VWA8: variants seen among roughly 807,000 people sequenced by gnomAD.
VWA8 encodes the protein von Willebrand factor A domain containing 8.
Under a neutral mutation model 241.5 loss-of-function variants are expected in VWA8, and 221 were observed. The observed-to-expected ratio is 0.91, with a 90% CI of 0.82 to 1.02. VWA8 has a LOEUF of 1.02. VWA8 is among the 50% of genes least tolerant of loss of function. VWA8 has a pLI of 0.00. For synonymous variants in VWA8, 852 were observed against 827.1 expected (o/e 1.03, Z -0.52); for missense variants, 2,322 against 2,328.7 (o/e 1.00, Z 0.06).
At chr13:41,813,042 G>A (rs1474674916) in intron 16 of VWA8, among the ~76,000 whole-genome samples, 2 of 152,142 alleles carry the variant, frequency 1.3e-5, no homozygotes, top group Non-Finnish European at 2.9e-5. Context: ...ATGAGGAAAT[G>A]AGACCAGCTT....
At chr13:41,639,378 A>T (rs2044780243) in intron 37 of VWA8, among the ~76,000 whole-genome samples, 1 of 152,152 alleles carries the variant, frequency 6.6e-6, no homozygotes, top group Non-Finnish European at 1.5e-5. Flanking sequence ...CACCTCCCAG[A>T]AGTTGTTCCT....
chr13:41,683,398 G>C (rs2045114053), intron 35 of VWA8, among the ~76,000 whole-genome samples: 1 of 152,058 alleles, frequency 6.6e-6, no homozygotes, highest in Non-Finnish European at 1.5e-5. Flanking sequence ...TCTGGTAAAG[G>C]CAAATCTATA....
intron 2 of VWA8, among the ~76,000 whole-genome samples, chr13:41,936,617 TG>T (rs1054589471): frequency 6.6e-6 from 1 of 152,238 alleles, no homozygotes; most frequent in African/African-American, 2.4e-5. Context: ...TAGAGGGCAT[TG>T]GGGAGATGTT....
chr13:41,923,885 G>T (rs186149547), intron 2 of VWA8, among the ~76,000 whole-genome samples: 1 of 151,940 alleles, frequency 6.6e-6, no homozygotes, highest in Non-Finnish European at 1.5e-5. Flanking sequence ...CATCTGCAGG[G>T]GAAAGTCTTC....
chr13:41,769,652 C>CA (rs2045804814), intron 20 of VWA8, among the ~76,000 whole-genome samples: 1 of 151,984 alleles, frequency 6.6e-6, no homozygotes, highest in Admixed American at 6.6e-5. Flanking sequence ...TGCTATGATG[C>CA]AAAAAAGCAT....
chr13:41,840,691 G>A (rs982814018), intron 12 of VWA8, among the ~76,000 whole-genome samples: 3 of 151,680 alleles, frequency 2.0e-5, no homozygotes, highest in African/African-American at 7.3e-5. Context: ...GCCAGGAGGT[G>A]GAGGCTGCAG....
Position 41,783,776 on chromosome 13 carries a change from CACAAAGCAAT to C in VWA8, c.2277+9_2277+18del. ...ACAATTTAAGTGATTTATCCAAGAA[CACAAAGCAAT>C]ACTCTTACCTGAATGTTGTCATAGA... is the stretch of plus-strand genomic sequence containing the variant. On this transcript the variant is annotated intron_variant, in intron 19 of 44. Coordinates refer to ENST00000379310, the MANE Select transcript of VWA8 (RefSeq NM_015058.2). 1 of 1,568,372 alleles carries C rather than the reference CACAAAGCAAT, an allele frequency of 6.4e-7. No individual in the cohort carries two copies. The highest frequency in any genetic ancestry group is 8.8e-7 in the Non-Finnish European group (1 of 1,142,792).
chr13:41,846,846 G>A (rs376616507), intron 12 of VWA8, among the ~76,000 whole-genome samples: 1 of 152,002 alleles, frequency 6.6e-6, no homozygotes, highest in Non-Finnish European at 1.5e-5. Context: ...AGACCAGCCC[G>A]GCCAACATGG....
Position 41,816,743 on chromosome 13 carries a change from C to A in VWA8, c.1902G>T (p.Lys634Asn). The A allele has an allele frequency of 6.2e-7, 1 of 1,613,662 alleles. No individual in the cohort carries two copies. The highest frequency in any genetic ancestry group is 8.5e-7 in the Non-Finnish European group (1 of 1,179,760). The change falls in exon 16 of 45, where the codon AAG becomes AAT. Residue 634 changes from lysine to asparagine, a missense_variant. Transcript: ENST00000379310. ...TGAGTTTGTGTGTAAATGATAATAA[C>A]TTATCCAGAGCTTCCTGAGGTACAT... ...VPNVPQEALD[K>N]LLSFTHKLRE...
chr13:41,774,504 T>C, intron 20 of VWA8, among the ~76,000 whole-genome samples: 1 of 152,242 alleles, frequency 6.6e-6, no homozygotes. Context: ...ATTTGTTGAA[T>C]GTCTACGGTA....
rs114574406 is a variant in VWA8 at position 41,656,204 on chromosome 13, G to A, written c.4611+14742C>T. Among the ~76,000 whole-genome samples, 257 of 152,296 alleles carry A rather than the reference G, an allele frequency of 1.7e-3. 1 individual carries two copies. Among genetic ancestry groups the A allele is most frequent in the African/African-American group, 5.9e-3 (247 of 41,576 alleles). Reference sequence around the variant, plus strand: ...ATGTAAATATGAAGGCAGAGCAGTTGAGGGAATGATGACTTACAATCAAAT... The same window carrying A: ...ATGTAAATATGAAGGCAGAGCAGTTAAGGGAATGATGACTTACAATCAAAT... On this transcript the variant is annotated intron_variant, in intron 37 of 44. Transcript: ENST00000379310.
At chr13:41,847,588 T>C (rs1226365914) in intron 12 of VWA8, among the ~76,000 whole-genome samples, 1 of 152,158 alleles carries the variant, frequency 6.6e-6, no homozygotes. Flanking sequence ...TTCTCAACCC[T>C]GGCTGCTGGT....
At chr13:41,918,429 C>T (rs745505311) in intron 2 of VWA8, among the ~76,000 whole-genome samples, 1 of 152,110 alleles carries the variant, frequency 6.6e-6, no homozygotes, top group Non-Finnish European at 1.5e-5. Context: ...ATGTTGTTCA[C>T]TTTTTGTGTA....
At chr13:41,781,441 C>T (rs1420749420) in intron 19 of VWA8, among the ~76,000 whole-genome samples, 1 of 152,044 alleles carries the variant, frequency 6.6e-6, no homozygotes, top group African/African-American at 2.4e-5. Flanking sequence ...CTCATCAATG[C>T]CACCATAAGT....
intron 40 of VWA8, among the ~76,000 whole-genome samples, chr13:41,595,215 C>A (rs1301167367): frequency 6.6e-6 from 1 of 152,146 alleles, no homozygotes. Context: ...TTTTCTTGTG[C>A]TGATATTGCT....
At chr13:41,899,107 G>A (rs1322460837) in intron 4 of VWA8, among the ~76,000 whole-genome samples, 3 of 152,230 alleles carry the variant, frequency 2.0e-5, no homozygotes, top group African/African-American at 7.2e-5. Context: ...GAGAGCAAGC[G>A]AGGGCTCTGA....
chr13:41,657,312 G>T (rs1171438727), intron 37 of VWA8, among the ~76,000 whole-genome samples: 1 of 151,696 alleles, frequency 6.6e-6, no homozygotes, highest in Non-Finnish European at 1.5e-5. Context: ...GAGACTTCTA[G>T]GTTTCTGAGC....
chr13:41,943,624 G>A (rs1877701905), intron 2 of VWA8, among the ~76,000 whole-genome samples: 1 of 152,074 alleles, frequency 6.6e-6, no homozygotes, highest in African/African-American at 2.4e-5. Flanking sequence ...ACTTATACAT[G>A]ACAAAGTACT....
chr13:41,746,898 CATATGG>C (rs1385859049), intron 21 of VWA8, among the ~76,000 whole-genome samples: 5 of 152,146 alleles, frequency 3.3e-5, no homozygotes, highest in Admixed American at 3.3e-4. Context: ...ATAGTCCTAT[CATATGG>C]ATAATACTTT....
Sources: gnomAD v4.1 joint callset for allele counts (sites outside exome capture counted in the v4.1 genomes callset) on GRCh38, gnomAD v4.1.1 for gene constraint, MANE v1.5 for transcripts, NCBI Gene and HGNC (gene_info 2026-07-23, HGNC 2026-07-21) for gene names.